ZFAND3: variants seen among roughly 807,000 people sequenced by gnomAD.
ZFAND3 encodes the protein zinc finger AN1-type containing 3.
Under a neutral mutation model 29.6 loss-of-function variants are expected in ZFAND3, and 10 were observed. That is an observed-to-expected ratio of 0.34 (90% confidence interval 0.21 to 0.57). The LOEUF (loss-of-function observed/expected upper bound fraction) is 0.57. Ranked by LOEUF, ZFAND3 falls within the 20% of genes least tolerant of loss-of-function variation. The pLI is 0.86. For missense variants in ZFAND3, 230 were observed against 304.5 expected, an observed-to-expected ratio of 0.76 and a Z score of 1.82; for synonymous variants, 128 against 112.6, an observed-to-expected ratio of 1.14 and a Z score of -0.87.
chr6:38,120,871 C>T (rs1308171556), intron 5 of ZFAND3, among the ~76,000 whole-genome samples: 1 of 152,170 alleles, frequency 6.6e-6, no homozygotes, highest in East Asian at 1.9e-4. Flanking sequence ...TTAGCTGGGG[C>T]CTCTGGAGTA....
intron 3 of ZFAND3, among the ~76,000 whole-genome samples, chr6:38,069,037 A>T (rs989311103): frequency 6.6e-6 from 1 of 152,206 alleles, no homozygotes; most frequent in Non-Finnish European, 1.5e-5. Flanking sequence ...CATTGGCTAC[A>T]TATCTTCATT....
At chr6:38,142,341 A>G (rs1765975122) in intron 5 of ZFAND3, 1 of 471,172 alleles carries the variant, frequency 2.1e-6, no homozygotes, top group African/African-American at 2.0e-5. Flanking sequence ...TGTGACTTGG[A>G]TGAACTGACT....
At position 38,153,033 on chromosome 6, in the gene ZFAND3, A is replaced by G; in HGVS notation, c.*644A>G. The G allele has an allele frequency of 3.0e-6, 3 of 985,840 alleles. No homozygotes were observed. The highest frequency in any genetic ancestry group is 3.6e-6 in the Non-Finnish European group (3 of 829,956). 61.1% of individuals were successfully genotyped at this position (985,840 alleles called of 1,614,324 possible). ...AAACTCATCACACAAGAAGAGAAACAGTAACCTCACTTTGAAAATTAGCTC... is the reference window on the plus strand; with the variant it reads ...AAACTCATCACACAAGAAGAGAAACGGTAACCTCACTTTGAAAATTAGCTC... On this transcript the variant is annotated 3_prime_UTR_variant, in exon 6 of 6. Coordinates refer to ENST00000287218, the MANE Select transcript of ZFAND3 (RefSeq NM_021943.3).
intron 2 of ZFAND3, among the ~76,000 whole-genome samples, chr6:37,933,815 C>T (rs895789862): frequency 6.6e-6 from 1 of 151,040 alleles, no homozygotes; most frequent in Admixed American, 6.6e-5. Flanking sequence ...ATCATTAACC[C>T]TGGTTTGGCC....
intron 2 of ZFAND3, among the ~76,000 whole-genome samples, chr6:37,953,941 T>G (rs1581789004): frequency 6.6e-6 from 1 of 152,204 alleles, no homozygotes; most frequent in Non-Finnish European, 1.5e-5. Flanking sequence ...TTCTTTCTTT[T>G]TTTCTAACTT....
At chr6:37,853,417 A>G (rs1764319667) in intron 1 of ZFAND3, among the ~76,000 whole-genome samples, 1 of 151,032 alleles carries the variant, frequency 6.6e-6, no homozygotes, top group Non-Finnish European at 1.5e-5. Flanking sequence ...CTCAAGAAAA[A>G]AAAAAAAAAA....
intron 1 of ZFAND3, among the ~76,000 whole-genome samples, chr6:37,891,722 T>A (rs1765106498): frequency 6.6e-6 from 1 of 152,188 alleles, no homozygotes; most frequent in South Asian, 2.1e-4. Flanking sequence ...CAACAAAGTA[T>A]ACATTATTCT....
At chr6:37,834,872 A>AACC (rs1179585629) in intron 1 of ZFAND3, among the ~76,000 whole-genome samples, 2 of 150,562 alleles carry the variant, frequency 1.3e-5, no homozygotes, top group Non-Finnish European at 3.0e-5. Context: ...AAAACTAGAT[A>AACC]CTACCAGTTT....
intron 1 of ZFAND3, among the ~76,000 whole-genome samples, chr6:37,885,543 C>G (rs1764974585): frequency 6.6e-6 from 1 of 152,134 alleles, no homozygotes; most frequent in Non-Finnish European, 1.5e-5. Context: ...ACTTGAGAGA[C>G]TGAGGCAGGA....
intron 3 of ZFAND3, among the ~76,000 whole-genome samples, chr6:38,081,595 C>G (rs751828404): frequency 1.3e-5 from 2 of 152,094 alleles, no homozygotes; most frequent in South Asian, 2.1e-4. Flanking sequence ...CCTATGTGTC[C>G]TATTCCTTTA....
intron 2 of ZFAND3, among the ~76,000 whole-genome samples, chr6:37,950,585 G>T (rs1422517332): frequency 6.6e-6 from 1 of 151,934 alleles, no homozygotes; most frequent in Non-Finnish European, 1.5e-5. Context: ...CACCATCCTG[G>T]CCAGGCTGGT....
intron 4 of ZFAND3, among the ~76,000 whole-genome samples, chr6:38,095,567 C>T (rs1268050452): frequency 3.9e-5 from 6 of 152,146 alleles, no homozygotes; most frequent in Non-Finnish European, 5.9e-5. Flanking sequence ...TGTAAGCCCG[C>T]GGTGACATCC....
At chr6:37,937,183 A>G (rs1761713150) in intron 2 of ZFAND3, among the ~76,000 whole-genome samples, 2 of 152,226 alleles carry the variant, frequency 1.3e-5, no homozygotes, top group South Asian at 4.1e-4. Context: ...GCTTTACAGT[A>G]AGAGAAACAG....
chr6:38,144,218 AATATATATATATATTTTT>A (rs1766049125), intron 5 of ZFAND3, among the ~76,000 whole-genome samples: 1 of 31,448 alleles, frequency 3.2e-5, no homozygotes, highest in African/African-American at 1.9e-4. Context: ...TATAATATAT[AATATATATATATATTTTT>A]TTTTTAATAA....
chr6:38,035,622 C>A lies in ZFAND3; in HGVS notation c.113-25971C>A, dbSNP rs930203253. 2.0e-5 allele frequency among the ~76,000 whole-genome samples: 3 copies of A among 152,130 alleles called. 1 individual carries two copies. In the South Asian group the frequency reaches 6.2e-4, roughly 32 times the overall value. On this transcript the variant is annotated intron_variant, in intron 2 of 5. Coordinates refer to ENST00000287218, the MANE Select transcript of ZFAND3 (RefSeq NM_021943.3). ...TCATTAATGTAATTCTCTTATTGTA[C>A]TTAATACAAATTCCTGCCTTTTCTT...
At chr6:38,084,285 A>G (rs1357523841) in intron 4 of ZFAND3, among the ~76,000 whole-genome samples, 1 of 152,240 alleles carries the variant, frequency 6.6e-6, no homozygotes, top group African/African-American at 2.4e-5. Flanking sequence ...GAGTTCTAAA[A>G]TCACATCTGG....
chr6:37,998,733 G>T (rs1009420414), intron 2 of ZFAND3, among the ~76,000 whole-genome samples: 1 of 152,144 alleles, frequency 6.6e-6, no homozygotes, highest in Admixed American at 6.5e-5. Flanking sequence ...TAAATGGATG[G>T]TGGAAGCCAG....
chr6:37,897,848 A>G (rs1018357314), intron 1 of ZFAND3, among the ~76,000 whole-genome samples: 2 of 152,238 alleles, frequency 1.3e-5, no homozygotes, highest in African/African-American at 4.8e-5. Context: ...GCAAGTAGTC[A>G]GAAAAGAATA....
In ZFAND3 at chr6:37,854,153, G is replaced by A. The variant is rs1399328681; in HGVS notation, c.71+34137G>A. Among the ~76,000 whole-genome samples the A allele has an allele frequency of 1.1e-3, 169 of 152,150 alleles. 3 individuals are homozygous for A. The highest frequency in any genetic ancestry group is 2.1e-4 in the Non-Finnish European group (14 of 67,976). ...TTTAGTAGAGATGGGGTTTTTCCATGTTGGTCAGGCTGGTCTCGAACTCCT... is the reference window on the plus strand; with the variant it reads ...TTTAGTAGAGATGGGGTTTTTCCATATTGGTCAGGCTGGTCTCGAACTCCT... On this transcript the variant is annotated intron_variant, in intron 1 of 5. Coordinates refer to ENST00000287218, the MANE Select transcript of ZFAND3 (RefSeq NM_021943.3).
Sources: allele counts gnomAD v4.1 joint callset (sites outside exome capture counted in the v4.1 genomes callset), GRCh38; gene constraint gnomAD v4.1.1; transcripts MANE v1.5; gene names NCBI Gene and HGNC (gene_info 2026-07-23, HGNC 2026-07-21).